The following AQP9 variants were observed in gnomAD, a reference collection of about 807,000 sequenced individuals.
The protein encoded by AQP9 is aquaporin 9, also known as aquaporin-9.
AQP9 carries 19 observed loss-of-function variants against 23.8 expected under a neutral mutation model. The ratio of observed to expected loss-of-function variants is 0.80; its 90% confidence interval spans 0.56 to 1.17. The LOEUF (loss-of-function observed/expected upper bound fraction) is 1.17, where lower values mean the gene tolerates loss of function less well. Ranked by LOEUF, AQP9 falls within the 50% of genes most tolerant of loss-of-function variation. AQP9 has a pLI of 0.00. For synonymous variants in AQP9, 153 were observed against 131.5 expected, an observed-to-expected ratio of 1.16 and a Z score of -1.12; for missense variants, 413 against 362.0, an observed-to-expected ratio of 1.14 and a Z score of -1.14.
At chr15:58,182,694 C>T (rs898154375) in intron 5 of AQP9, among the ~76,000 whole-genome samples, 4 of 152,140 alleles carry the variant, frequency 2.6e-5, no homozygotes, top group South Asian at 4.1e-4. Flanking sequence ...ACTGTGAGGG[C>T]GGCCGAGTAC....
chr15:58,159,738 A>G (rs1015374178), intron 1 of AQP9, among the ~76,000 whole-genome samples: 4 of 152,166 alleles, frequency 2.6e-5, no homozygotes, highest in East Asian at 1.9e-4. Context: ...GCTCTCACAT[A>G]AAAGTGAGAA....
intron 1 of AQP9, among the ~76,000 whole-genome samples, chr15:58,164,489 T>C (rs1284063729): frequency 2.0e-5 from 3 of 152,198 alleles, no homozygotes; most frequent in African/African-American, 4.8e-5. Context: ...GAAAGAAATA[T>C]GCCAATGTGG....
intron 1 of AQP9, chr15:58,146,637 A>G (rs2140587470): frequency 6.6e-6 from 1 of 152,208 alleles, no homozygotes; most frequent in East Asian, 1.9e-4. Context: ...AGTGTTTTAT[A>G]CATCTGTATT....
intron 2 of AQP9, among the ~76,000 whole-genome samples, chr15:58,172,424 C>T (rs184178158): frequency 2.0e-5 from 3 of 152,254 alleles, no homozygotes; most frequent in Admixed American, 6.5e-5. Context: ...TCAAGGAAGC[C>T]GATTTCTCTA....
chr15:58,164,350 C>T (rs540369266), intron 1 of AQP9, among the ~76,000 whole-genome samples: 1 of 152,242 alleles, frequency 6.6e-6, no homozygotes, highest in South Asian at 2.1e-4. Flanking sequence ...CTCTTCTTAG[C>T]CCTGGTTGTC....
intron 4 of AQP9, among the ~76,000 whole-genome samples, chr15:58,177,993 T>C (rs1350718391): frequency 6.6e-6 from 1 of 152,222 alleles, no homozygotes; most frequent in Non-Finnish European, 1.5e-5. Flanking sequence ...TGCATTTGTA[T>C]TGGACATGTA....
chr15:58,146,411 T>C lies in AQP9; in HGVS notation c.111+7735T>C, dbSNP rs116464111. On this transcript the variant is annotated intron_variant, in intron 1 of 5. Transcript: ENST00000219919. ...CTGTTTAACACGTTCATTGAGTCTT[T>C]AGTTTCACTATCTTTTCATTTCTAT... is the stretch of plus-strand genomic sequence containing the variant. 4.1e-3 allele frequency among the ~76,000 whole-genome samples: 623 copies of C among 152,298 alleles called. 2 individuals carry two copies. The highest frequency in any genetic ancestry group is 0.014 in the African/African-American group (582 of 41,592).
chr15:58,173,322 A>G (rs767085737), intron 3 of AQP9, 117 bp downstream of exon 3: 1 of 1,430,072 alleles, frequency 7.0e-7, no homozygotes, highest in Admixed American at 2.2e-5. Context: ...TACAAGTGAC[A>G]GCAAGTTCTA....
intron 1 of AQP9, 32 bp downstream of exon 1, chr15:58,138,708 C>T (rs1467580931): frequency 1.3e-6 from 2 of 1,573,636 alleles, no homozygotes; most frequent in Non-Finnish European, 1.7e-6. Flanking sequence ...ACATTCAGAC[C>T]CAATAATGCC....
intron 1 of AQP9, among the ~76,000 whole-genome samples, chr15:58,165,101 G>C (rs1266127592): frequency 6.6e-6 from 1 of 151,990 alleles, no homozygotes; most frequent in Admixed American, 6.6e-5. Context: ...CCTCCCTCAA[G>C]TTAATTGCTC....
chr15:58,174,005 G>A (rs1386866419), intron 3 of AQP9, among the ~76,000 whole-genome samples: 1 of 152,068 alleles, frequency 6.6e-6, no homozygotes, highest in African/African-American at 2.4e-5. Context: ...TGGAGGGCTG[G>A]GTGTGTGGTG....
At chr15:58,147,738 G>T (rs1431113648) in intron 1 of AQP9, among the ~76,000 whole-genome samples, 1 of 151,936 alleles carries the variant, frequency 6.6e-6, no homozygotes, top group African/African-American at 2.4e-5. Context: ...ACAGGTGATT[G>T]GTTAAAAAAA....
chr15:58,153,582 C>T (rs1898192025), intron 1 of AQP9: 1 of 152,122 alleles, frequency 6.6e-6, no homozygotes, highest in Non-Finnish European at 1.5e-5. Flanking sequence ...TTTATATCTG[C>T]ACCCATGCCT....
At chr15:58,172,959 GC>G (rs1160945949) in intron 2 of AQP9, 108 bp from the exon 3 acceptor site, 2 of 1,374,146 alleles carry the variant, frequency 1.5e-6, no homozygotes, top group African/African-American at 2.9e-5. Flanking sequence ...CTCCTCATAG[GC>G]AGTAGTTCTC....
intron 5 of AQP9, among the ~76,000 whole-genome samples, chr15:58,180,951 CT>C (rs1898874172): frequency 6.6e-6 from 1 of 152,194 alleles, no homozygotes; most frequent in South Asian, 2.1e-4. Context: ...AACATATGTC[CT>C]AAGGATCTCC....
intron 2 of AQP9, among the ~76,000 whole-genome samples, chr15:58,170,636 C>T (rs987749434): frequency 1.3e-5 from 2 of 152,104 alleles, no homozygotes; most frequent in African/African-American, 4.8e-5. Context: ...ATTTCTTGAC[C>T]TCATGATCCA....
In AQP9 at chr15:58,185,555, T is replaced by G. The variant is rs1375405424; in HGVS notation, c.*1420T>G. ...CCTCTGGTCTTGCTAAGTCTTGATCTTGCTTCCTGCCAGCACCAAACATTA... is the reference window on the plus strand; with the variant it reads ...CCTCTGGTCTTGCTAAGTCTTGATCGTGCTTCCTGCCAGCACCAAACATTA... On this transcript the variant is annotated 3_prime_UTR_variant, in exon 6 of 6. Coordinates refer to ENST00000219919, the MANE Select transcript of AQP9 (RefSeq NM_020980.5). 6.6e-6 allele frequency: 1 copy of G among 152,282 alleles called. No homozygotes were observed. Among genetic ancestry groups the G allele is most frequent in the African/African-American group, 2.4e-5 (1 of 41,448 alleles). 9.4% of individuals were successfully genotyped at this position (152,282 alleles called of 1,614,324 possible).
At chr15:58,144,049 C>G (rs1359073896) in intron 1 of AQP9, among the ~76,000 whole-genome samples, 1 of 152,192 alleles carries the variant, frequency 6.6e-6, no homozygotes, top group African/African-American at 2.4e-5. Flanking sequence ...TGGAATTTCA[C>G]TAGTAATTGT....
chr15:58,172,942 CCT>C, intron 2 of AQP9, 124 bp from the exon 3 acceptor site: 1 of 1,191,618 alleles, frequency 8.4e-7, no homozygotes, highest in Non-Finnish European at 1.2e-6. Context: ...CATACACACC[CCT>C]CTTTCTCCTC....
Sources: allele counts gnomAD v4.1 joint callset (sites outside exome capture counted in the v4.1 genomes callset), GRCh38; gene constraint gnomAD v4.1.1; transcripts MANE v1.5; gene names NCBI Gene and HGNC (gene_info 2026-07-23, HGNC 2026-07-21).